The following AFAP1 variants were observed in gnomAD, a reference collection of about 807,000 sequenced individuals.
AFAP1 encodes the protein actin filament-associated protein 1.
Under a neutral mutation model 93.9 loss-of-function variants are expected in AFAP1, and 75 were observed. That is an observed-to-expected ratio of 0.80 (90% CI 0.66 to 0.97). AFAP1 has a LOEUF of 0.97. Among genes scored for constraint, AFAP1 ranks in the 50% least tolerant of loss-of-function variants. AFAP1 has a pLI of 0.00. For synonymous variants in AFAP1, 517 were observed against 430.7 expected (o/e 1.20, Z -2.48); for missense variants, 1,201 against 1,050.8 (o/e 1.14, Z -1.98).
At chr4:7,854,712 T>C (rs527803176) in intron 4 of AFAP1, among the ~76,000 whole-genome samples, 77 of 83,588 alleles carry the variant, frequency 9.2e-4, no homozygotes, top group African/African-American at 3.1e-3. Context: ...TATCCACTTA[T>C]CTACCTTTCT....
chr4:7,766,855 G>A (rs549684548), intron 17 of AFAP1, among the ~76,000 whole-genome samples: 27 of 152,306 alleles, frequency 1.8e-4, no homozygotes, highest in African/African-American at 4.3e-4. Context: ...GCACGGGATT[G>A]GAAGCCGTCT....
chr4:7,913,388 C>CAAAAAAA (rs763367846), intron 1 of AFAP1, among the ~76,000 whole-genome samples: 1 of 62,064 alleles, frequency 1.6e-5, no homozygotes, highest in African/African-American at 5.2e-5. Context: ...ACCCTGTCTC[C>CAAAAAAA]AAAAAAAAAA....
chr4:7,868,684 T>A lies in AFAP1; in HGVS notation c.163A>T (p.Thr55Ser). Reference protein sequence around the residue: ...DVKDHAQKQETANSLPAPPQM... With the variant: ...DVKDHAQKQESANSLPAPPQM... Reference sequence around the variant, plus strand: ...GGAGGGGCTGGCAGGCTGTTAGCGGTCTCCTGCTTCTGAGCATGGTCCTTC... The same window carrying A: ...GGAGGGGCTGGCAGGCTGTTAGCGGACTCCTGCTTCTGAGCATGGTCCTTC... Residue 55 changes from threonine (T) to serine (S), a missense_variant, in exon 3 of 18, where the codon ACC (threonine) becomes TCC (serine). Coordinates refer to ENST00000420658, the MANE Select transcript of AFAP1 (RefSeq NM_001134647.2). The A allele has an allele frequency of 6.2e-7, 1 of 1,613,476 alleles. No individual in the cohort carries two copies. The highest frequency in any genetic ancestry group is 2.2e-5 in the East Asian group (1 of 44,876).
At chr4:7,832,748 G>A (rs1350628149) in intron 6 of AFAP1, among the ~76,000 whole-genome samples, 2 of 150,902 alleles carry the variant, frequency 1.3e-5, no homozygotes, top group Non-Finnish European at 2.9e-5. Context: ...CACATTACCT[G>A]ATTTCAAACT....
chr4:7,768,584 G>A (rs115395478), intron 17 of AFAP1, among the ~76,000 whole-genome samples: 159 of 152,260 alleles, frequency 1.0e-3, no homozygotes, highest in Non-Finnish European at 1.9e-3. Flanking sequence ...CATCTGAGAT[G>A]ACTCTGGAGC....
chr4:7,887,169 A>T (rs1397204180), intron 1 of AFAP1, among the ~76,000 whole-genome samples: 1 of 152,248 alleles, frequency 6.6e-6, no homozygotes, highest in Non-Finnish European at 1.5e-5. Context: ...GGGGCACACC[A>T]GTCAAGAGAG....
chr4:7,931,756 C>G (rs1243312899), intron 1 of AFAP1, among the ~76,000 whole-genome samples: 1 of 152,070 alleles, frequency 6.6e-6, no homozygotes, highest in East Asian at 1.9e-4. Context: ...ATCATCTCCC[C>G]ATAAACACAC....
intron 5 of AFAP1, among the ~76,000 whole-genome samples, chr4:7,841,314 G>A (rs1302370639): frequency 6.8e-6 from 1 of 148,008 alleles, no homozygotes; most frequent in Non-Finnish European, 1.5e-5. Flanking sequence ...CACACACACT[G>A]AATGCAGACC....
At chr4:7,798,482 G>A (rs1292789433) in intron 10 of AFAP1, among the ~76,000 whole-genome samples, 1 of 143,458 alleles carries the variant, frequency 7.0e-6, no homozygotes, top group Non-Finnish European at 1.6e-5. Flanking sequence ...TCTATTGGCT[G>A]GCTCACGGCA....
chr4:7,861,105 T>C (rs893313767), intron 3 of AFAP1, among the ~76,000 whole-genome samples: 1 of 152,240 alleles, frequency 6.6e-6, no homozygotes, highest in African/African-American at 2.4e-5. Flanking sequence ...CTGACTTTAA[T>C]TTTATATCTA....
chr4:7,816,204 C>A, intron 7 of AFAP1, 105 bp from the exon 8 acceptor site: 1 of 942,288 alleles, frequency 1.1e-6, no homozygotes, highest in Non-Finnish European at 1.6e-6. Context: ...AAAACACAGG[C>A]CAAATTCATA....
chr4:7,766,933 C>T (rs891341095), intron 17 of AFAP1, among the ~76,000 whole-genome samples: 3 of 152,198 alleles, frequency 2.0e-5, no homozygotes, highest in East Asian at 1.9e-4. Context: ...TCAGGAATAC[C>T]GCAGCGGGCA....
intron 9 of AFAP1, among the ~76,000 whole-genome samples, chr4:7,804,864 G>A (rs1398328656): frequency 6.6e-6 from 1 of 152,200 alleles, no homozygotes; most frequent in Non-Finnish European, 1.5e-5. Context: ...GCCTGCAAGA[G>A]GGGCATCAAG....
rs1449441078 is a variant in AFAP1 at position 7,781,518 on chromosome 4, G to A, written c.1640C>T (p.Ala547Val). The A allele has an allele frequency of 1.3e-6, 2 of 1,552,222 alleles. No homozygotes were observed. The highest frequency in any genetic ancestry group is 4.9e-5 in the East Asian group (2 of 40,924). Residue 547 changes from alanine to valine, a missense_variant, in exon 13 of 18, where the codon GCC becomes GTC. Transcript: ENST00000420658. ...CTTTCTGTCAGCAGGAGAGTAGCGG[G>A]CAAAGATGTGCGGAGGCGGCAAGTT... ...YDNLPPPHIF[A>V]RYSPADRKAS...
intron 1 of AFAP1, among the ~76,000 whole-genome samples, chr4:7,931,961 C>T (rs1173797512): frequency 2.0e-5 from 3 of 152,052 alleles, no homozygotes; most frequent in East Asian, 1.9e-4. Flanking sequence ...CCAGGGTCCA[C>T]GCCATTCTCC....
intron 4 of AFAP1, among the ~76,000 whole-genome samples, chr4:7,855,088 C>T (rs753976653): frequency 1.3e-5 from 2 of 152,214 alleles, no homozygotes; most frequent in Admixed American, 6.5e-5. Flanking sequence ...CTGGTGGAAA[C>T]TGCTTTAATC....
intron 4 of AFAP1, 95 bp from the exon 5 acceptor site, chr4:7,843,445 A>G (rs1713302421): frequency 8.6e-7 from 1 of 1,168,822 alleles, no homozygotes; most frequent in South Asian, 1.6e-5. Context: ...TTAATCACCA[A>G]GTAACTGAAT....
At chr4:7,915,649 A>T (rs1451377042) in intron 1 of AFAP1, among the ~76,000 whole-genome samples, 1 of 152,198 alleles carries the variant, frequency 6.6e-6, no homozygotes, top group Non-Finnish European at 1.5e-5. Flanking sequence ...AGGTCCCTTA[A>T]CCACTTTGAG....
rs1209528889 is a variant in AFAP1 at position 7,939,604 on chromosome 4, G to A, written c.-3+52C>T. On this transcript the variant is annotated intron_variant, in intron 1 of 17. Coordinates refer to ENST00000420658, the MANE Select transcript of AFAP1 (RefSeq NM_001134647.2). The surrounding 1 kb of genome is among the most constrained non-coding windows in gnomAD (Gnocchi z 5.6). ...CCCGCTCGGAGCTTCCACGCCCGGG[G>A]CAGAGACCCCCGCCGGGTCCGGAGA... The A allele has an allele frequency of 1.5e-5, 6 of 407,942 alleles. No individual in the cohort carries two copies. The highest frequency in any genetic ancestry group is 8.3e-5 in the Admixed American group (3 of 36,220). 25.3% of individuals were successfully genotyped at this position (407,942 alleles called of 1,614,324 possible).
Sources: allele counts gnomAD v4.1 joint callset (sites outside exome capture counted in the v4.1 genomes callset), GRCh38; gene constraint gnomAD v4.1.1; non-coding constraint Gnocchi (gnomAD v3.1); transcripts MANE v1.5; gene names NCBI Gene and HGNC (gene_info 2026-07-23, HGNC 2026-07-21).